The following DHX9 variants were observed in gnomAD, a reference collection of about 807,000 sequenced individuals.
The protein encoded by DHX9 is DExH-box helicase 9.
DHX9 carries 27 observed loss-of-function variants against 148.7 expected under a neutral mutation model. The observed-to-expected ratio is 0.18, with a 90% confidence interval of 0.13 to 0.25. The LOEUF (loss-of-function observed/expected upper bound fraction) is 0.25. Ranked by LOEUF, DHX9 falls within the 10% of genes least tolerant of loss-of-function variation. DHX9 has a pLI of 1.00. For synonymous variants in DHX9, 529 were observed against 516.6 expected (o/e 1.02, Z -0.33); for missense variants, 796 against 1,559.6 (o/e 0.51, Z 8.25).
At chr1:182,871,564 T>C (rs879178970) in intron 14 of DHX9, among the ~76,000 whole-genome samples, 1 of 152,240 alleles carries the variant, frequency 6.6e-6, no homozygotes, top group African/African-American at 2.4e-5. Context: ...CACTCCTGTT[T>C]AGACTTGAAC....
At position 182,852,352 on chromosome 1, in the gene DHX9, A is replaced by G; in HGVS notation, c.364+8A>G. The stretch of plus-strand genomic sequence containing the variant: ...ATCTGGCTCTCAAAGCAGGTAAGGG[A>G]CTTGAATCCATGCACGTGGTGGAGA... On this transcript the variant is annotated splice_region_variant and intron_variant, in intron 4 of 27. Transcript: ENST00000367549. 6.3e-7 allele frequency: 1 copy of G among 1,576,034 alleles called. No individual in the cohort carries two copies. Among genetic ancestry groups the G allele is most frequent in the Non-Finnish European group, 8.7e-7 (1 of 1,151,998 alleles).
Position 182,884,832 on chromosome 1 carries a change from C to A in DHX9, c.3461+19C>A. The A allele has an allele frequency of 6.2e-7, 1 of 1,611,148 alleles. No homozygotes were observed. The highest frequency in any genetic ancestry group is 2.2e-5 in the East Asian group (1 of 44,846). ...GTACACGGTGAGTACCAATATACTT[C>A]TTACTGAACCAAGTAGAGGGGAGAG... On this transcript the variant is annotated intron_variant, in intron 27 of 27. Transcript: ENST00000367549.
intron 26 of DHX9, 143 bp downstream of exon 26, chr1:182,883,778 T>C (rs1649195629): frequency 4.1e-6 from 2 of 487,200 alleles, no homozygotes; most frequent in Non-Finnish European, 7.1e-6. Flanking sequence ...TTGATACCAG[T>C]AGAAGCAAAT....
chr1:182,878,271 T>A, intron 20 of DHX9, 98 bp downstream of exon 20: 1 of 1,363,242 alleles, frequency 7.3e-7, no homozygotes, highest in Non-Finnish European at 1.0e-6. Context: ...TAAGCTGATC[T>A]AAGTCTTGCC....
intron 1 of DHX9, chr1:182,839,827 C>T (rs1398245077): frequency 1.3e-5 from 2 of 152,320 alleles, no homozygotes; most frequent in African/African-American, 2.4e-5. Context: ...GCCTAGGGCT[C>T]TTCATTCATT....
chr1:182,881,501 T>G lies in DHX9; in HGVS notation c.2787-19T>G, dbSNP rs1162915310. The G allele has an allele frequency of 6.2e-7, 1 of 1,607,852 alleles. No homozygotes were observed. Among genetic ancestry groups the G allele is most frequent in the South Asian group, 1.1e-5 (1 of 89,512 alleles). Reference sequence around the variant, plus strand: ...TTCTCTGGTCTTAGAGAATGATTTCTCATGCCAATTTATTTTAGAATGGGT... The same window carrying G: ...TTCTCTGGTCTTAGAGAATGATTTCGCATGCCAATTTATTTTAGAATGGGT... On this transcript the variant is annotated intron_variant, in intron 23 of 27. Transcript: ENST00000367549.
intron 16 of DHX9, 96 bp from the exon 17 acceptor site, chr1:182,875,954 A>G: frequency 1.1e-6 from 1 of 900,784 alleles, no homozygotes; most frequent in Non-Finnish European, 1.7e-6. Context: ...ATAAATAATG[A>G]CATTACAAGT....
intron 3 of DHX9, 105 bp from the exon 4 acceptor site, chr1:182,852,128 A>G: frequency 1.6e-6 from 1 of 632,666 alleles, no homozygotes; most frequent in Non-Finnish European, 2.7e-6. Context: ...GTAATATTAC[A>G]AAGAAAGGAG....
intron 3 of DHX9, among the ~76,000 whole-genome samples, chr1:182,850,737 A>G (rs911799087): frequency 3.3e-5 from 5 of 152,180 alleles, no homozygotes; most frequent in Admixed American, 1.3e-4. Context: ...GATAAAATAT[A>G]TATTGTGTAT....
At chr1:182,868,534 T>TTTTTTTA (rs1648403826) in intron 14 of DHX9, among the ~76,000 whole-genome samples, 1 of 149,436 alleles carries the variant, frequency 6.7e-6, no homozygotes, top group Admixed American at 6.6e-5. Flanking sequence ...TTTTTTTTTT[T>TTTTTTTA]GAGGAGTCTT....
At chr1:182,869,388 T>A (rs1374561475) in intron 14 of DHX9, among the ~76,000 whole-genome samples, 1 of 152,138 alleles carries the variant, frequency 6.6e-6, no homozygotes, top group Admixed American at 6.5e-5. Flanking sequence ...GGTCTTGTCC[T>A]ATCTGGTTTG....
At chr1:182,875,261 A>G (rs1329988466) in intron 16 of DHX9, 7 of 456,158 alleles carry the variant, frequency 1.5e-5, no homozygotes, top group Non-Finnish European at 3.1e-5. Context: ...TTGCTACTCA[A>G]AGTTTTTCAG....
chr1:182,858,449 T>C (rs998961580), intron 8 of DHX9, 102 bp from the exon 9 acceptor site: 4 of 1,164,500 alleles, frequency 3.4e-6, no homozygotes, highest in African/African-American at 3.1e-5. Flanking sequence ...GGGAACTGAC[T>C]ATTGGTTTAG....
intron 24 of DHX9, among the ~76,000 whole-genome samples, chr1:182,881,993 A>G (rs1306978311): frequency 1.3e-5 from 2 of 152,224 alleles, no homozygotes; most frequent in African/African-American, 2.4e-5. Flanking sequence ...GATGAGCTGT[A>G]GTACTTTTCT....
intron 16 of DHX9, among the ~76,000 whole-genome samples, chr1:182,875,391 T>G (rs1472656521): frequency 6.6e-6 from 1 of 152,120 alleles, no homozygotes; most frequent in East Asian, 1.9e-4. Flanking sequence ...ACAATAAAGT[T>G]TAAGAAACAG....
At chr1:182,853,049 C>G (rs1033750558) in intron 4 of DHX9, among the ~76,000 whole-genome samples, 2 of 132,482 alleles carry the variant, frequency 1.5e-5, no homozygotes, top group African/African-American at 7.2e-5. Flanking sequence ...ACCTCAGCCT[C>G]TCTAGTAGCT....
intron 4 of DHX9, among the ~76,000 whole-genome samples, chr1:182,853,032 TTCTC>T (rs1471974882): frequency 8.4e-6 from 1 of 118,764 alleles, no homozygotes; most frequent in Non-Finnish European, 1.6e-5. Context: ...GTTCAAGTGA[TTCTC>T]TCACCTCAGC....
chr1:182,880,713 T>G (rs1224584011), intron 22 of DHX9, 105 bp downstream of exon 22: 1 of 706,444 alleles, frequency 1.4e-6, no homozygotes, highest in Non-Finnish European at 2.4e-6. Flanking sequence ...AAAAAAATCC[T>G]AAATGTTCTT....
intron 16 of DHX9, chr1:182,875,172 A>T (rs1291255253): frequency 1.8e-6 from 1 of 570,848 alleles, no homozygotes; most frequent in Admixed American, 2.2e-5. Context: ...TCTCTGGCGT[A>T]AAGATCAAAG....
Sources: gnomAD v4.1 joint callset for allele counts (sites outside exome capture counted in the v4.1 genomes callset) on GRCh38, gnomAD v4.1.1 for gene constraint, MANE v1.5 for transcripts, NCBI Gene and HGNC (gene_info 2026-07-23, HGNC 2026-07-21) for gene names.